ITGAE: variants seen among roughly 807,000 people sequenced by gnomAD.
ITGAE encodes the protein integrin alpha-E.
Under a neutral mutation model 136.5 loss-of-function variants are expected in ITGAE, and 99 were observed. That is an observed-to-expected ratio of 0.73 (90% CI 0.62 to 0.86). ITGAE has a LOEUF of 0.86. Among genes scored for constraint, ITGAE ranks in the 40% least tolerant of loss-of-function variants. ITGAE has a pLI of 0.00. For missense variants in ITGAE, 1,447 were observed against 1,515.3 expected (o/e 0.95, Z 0.75); for synonymous variants, 613 against 591.8 (o/e 1.04, Z -0.52).
chr17:3,795,914 T>A (rs1409505023), intron 1 of ITGAE, among the ~76,000 whole-genome samples: 1 of 146,276 alleles, frequency 6.8e-6, no homozygotes, highest in East Asian at 2.0e-4. Context: ...TGTATGCGCA[T>A]CCGTGTGTGT....
intron 1 of ITGAE, among the ~76,000 whole-genome samples, chr17:3,787,408 G>A (rs566559210): frequency 5.3e-5 from 8 of 152,086 alleles, no homozygotes; most frequent in African/African-American, 1.4e-4. Flanking sequence ...CACCATGCCC[G>A]GCTGTGAATT....
chr17:3,737,694 C>T (rs1418122624), intron 20 of ITGAE, among the ~76,000 whole-genome samples: 1 of 152,056 alleles, frequency 6.6e-6, no homozygotes, highest in Non-Finnish European at 1.5e-5. Flanking sequence ...TCAGAGGGCC[C>T]GGAATGCCAA....
At chr17:3,740,051 T>C (rs552049821) in intron 19 of ITGAE, among the ~76,000 whole-genome samples, 173 bp from the exon 20 acceptor site, 3 of 152,340 alleles carry the variant, frequency 2.0e-5, no homozygotes, top group South Asian at 4.1e-4. Flanking sequence ...GAGCAGGGAC[T>C]GTGACATTCC....
Position 3,757,712 on chromosome 17 carries a change from G to A in ITGAE, c.1014C>T (p.Ala338=). 1 of 1,614,000 alleles carries A rather than the reference G, an allele frequency of 6.2e-7. No homozygotes were observed. The highest frequency in any genetic ancestry group is 8.5e-7 in the Non-Finnish European group (1 of 1,179,956). ...CCCGGCTCCTGGCTCTTACCCCAAT[G>A]GCAAAGCGCTCAACACCCTGCATTT... The part of the protein sequence containing the change: ...SPKMQGVERF[A]IGVGEEFKSA... The change falls in exon 9 of 31, where the codon GCC becomes GCT. Residue 338 remains alanine (A), a synonymous_variant. Coordinates refer to ENST00000263087, the MANE Select transcript of ITGAE (RefSeq NM_002208.5).
At chr17:3,763,201 G>C (rs2052216714) in intron 3 of ITGAE, among the ~76,000 whole-genome samples, 1 of 152,046 alleles carries the variant, frequency 6.6e-6, no homozygotes, top group Non-Finnish European at 1.5e-5. Context: ...CCTCAGACAA[G>C]ACAAGGATTC....
intron 15 of ITGAE, among the ~76,000 whole-genome samples, chr17:3,750,976 G>T (rs1223367499): frequency 1.3e-5 from 2 of 152,014 alleles, no homozygotes; most frequent in Non-Finnish European, 2.9e-5. Flanking sequence ...GGTGGGGATA[G>T]AGAGAAGGGG....
chr17:3,759,309 TC>T, intron 8 of ITGAE, 92 bp downstream of exon 8: 2 of 1,428,178 alleles, frequency 1.4e-6, no homozygotes, highest in South Asian at 1.3e-5. Context: ...CTAATTCTCT[TC>T]TCCTGCGGTT....
chr17:3,779,973 AATT>A (rs66819828), intron 1 of ITGAE, among the ~76,000 whole-genome samples: 6,360 of 151,840 alleles, frequency 0.042, 189 homozygotes, highest in East Asian at 0.13. Context: ...CTTGTTCCAA[AATT>A]ATTATTATTT....
At position 3,757,130 on chromosome 17, in the gene ITGAE, C is replaced by T; in HGVS notation, c.1025G>A (p.Gly342Glu). 6.2e-7 allele frequency: 1 copy of T among 1,613,878 alleles called. No homozygotes were observed. Among genetic ancestry groups the T allele is most frequent in the Admixed American group, 1.7e-5 (1 of 59,986 alleles). ...AGTCCTAGCACTCTTAAATTCTTCT[C>T]CCACCTGCACAGACAGCCTGGGTCA... ...QGVERFAIGV[G>E]EEFKSARTAR... The change falls in exon 10 of 31, where the codon GGA becomes GAA. Residue 342 changes from glycine to glutamate, a missense_variant. Coordinates refer to ENST00000263087, the MANE Select transcript of ITGAE (RefSeq NM_002208.5).
chr17:3,771,534 CTTTTTTTTTTT>C (rs71312930), intron 2 of ITGAE, among the ~76,000 whole-genome samples: 1 of 123,256 alleles, frequency 8.1e-6, no homozygotes, highest in Non-Finnish European at 1.7e-5. Context: ...GCATTTTTCT[CTTTTTTTTTTT>C]TTTTTTTTTG....
At chr17:3,715,416 C>A (rs1189437673) in intron 30 of ITGAE, among the ~76,000 whole-genome samples, 2 of 152,132 alleles carry the variant, frequency 1.3e-5, no homozygotes, top group African/African-American at 4.8e-5. Context: ...CACACAGAAG[C>A]CAGCACAGAG....
rs2053167026 is a variant in ITGAE at position 3,798,150 on chromosome 17, A to C, written c.34+2961T>G. 1.3e-5 allele frequency among the ~76,000 whole-genome samples: 2 copies of C among 152,068 alleles called. No homozygotes were observed. Among genetic ancestry groups the C allele is most frequent in the South Asian group, 2.1e-4 (1 of 4,824 alleles). ...ACACTCCCCCAGCCAGCTCTCCCCCACACACTGCATTCCGGGGGCATTTCA... is the reference window on the plus strand; with the variant it reads ...ACACTCCCCCAGCCAGCTCTCCCCCCCACACTGCATTCCGGGGGCATTTCA... On this transcript the variant is annotated intron_variant, in intron 1 of 30. Coordinates refer to ENST00000263087, the MANE Select transcript of ITGAE (RefSeq NM_002208.5). The surrounding 1 kb of genome is among the most constrained non-coding windows in gnomAD (Gnocchi z 4.3).
rs999463798 is a variant in ITGAE at position 3,749,293 on chromosome 17, C to G, written c.2024+1059G>C. On this transcript the variant is annotated intron_variant, in intron 16 of 30. Transcript: ENST00000263087. ...TTTTGGAGACGGAGTCTCGCTCTGT[C>G]GCCCAGGCTGGAGTGCAGTGGCGCG... 2.0e-5 allele frequency among the ~76,000 whole-genome samples: 3 copies of G among 151,076 alleles called. No homozygotes were observed. In the East Asian group the frequency reaches 5.9e-4, roughly 30 times the overall value.
At chr17:3,762,038 C>G (rs1479300344) in intron 3 of ITGAE, 56 bp from the exon 4 acceptor site, 4 of 1,502,904 alleles carry the variant, frequency 2.7e-6, no homozygotes, top group African/African-American at 1.4e-5. Context: ...GGCAGAGACC[C>G]GAAGCCAAGG....
chr17:3,715,023 TA>T, intron 30 of ITGAE, 81 bp from the exon 31 acceptor site: 1 of 766,484 alleles, frequency 1.3e-6, no homozygotes. Flanking sequence ...GGCTGTTGCC[TA>T]AATAGCCCCT....
At chr17:3,749,818 C>G (rs1340228372) in intron 16 of ITGAE, among the ~76,000 whole-genome samples, 1 of 152,014 alleles carries the variant, frequency 6.6e-6, no homozygotes, top group Admixed American at 6.6e-5. Context: ...GAGTTCAAGA[C>G]CAGCCTGGCC....
chr17:3,745,730 C>T (rs1231534364), intron 18 of ITGAE, 34 bp downstream of exon 18: 2 of 1,604,096 alleles, frequency 1.2e-6, no homozygotes, highest in Non-Finnish European at 1.7e-6. Flanking sequence ...TGACAAAGAC[C>T]CCTCCTGACT....
At chr17:3,750,966 G>A (rs1323039982) in intron 15 of ITGAE, among the ~76,000 whole-genome samples, 3 of 151,742 alleles carry the variant, frequency 2.0e-5, no homozygotes, top group Non-Finnish European at 2.9e-5. Flanking sequence ...GGACCGCAGG[G>A]GTGGGGATAG....
chr17:3,767,564 C>T (rs760909307), intron 2 of ITGAE, among the ~76,000 whole-genome samples: 4 of 152,178 alleles, frequency 2.6e-5, no homozygotes, highest in African/African-American at 7.2e-5. Context: ...CAACTCTTCT[C>T]CAGATGCTCC....
Sources: gnomAD v4.1 joint callset for allele counts (sites outside exome capture counted in the v4.1 genomes callset) on GRCh38, gnomAD v4.1.1 for gene constraint, Gnocchi (gnomAD v3.1) non-coding constraint, MANE v1.5 for transcripts, NCBI Gene and HGNC (gene_info 2026-07-23, HGNC 2026-07-21) for gene names.